Variants in ZNF100 observed in about 807,000 individuals in gnomAD.
The protein encoded by ZNF100 is zinc finger protein 100 (Y1).
ZNF100 carries 12 observed loss-of-function variants against 15.8 expected under a neutral mutation model. That is an observed-to-expected ratio of 0.76 (90% confidence interval 0.49 to 1.23). The LOEUF is 1.23. Ranked by LOEUF, ZNF100 falls within the 50% of genes most tolerant of loss-of-function variation. The pLI, the probability that ZNF100 is intolerant of heterozygous loss-of-function variation, is 0.00. For synonymous variants in ZNF100, 226 were observed against 214.8 expected, an observed-to-expected ratio of 1.05 and a Z score of -0.45; for missense variants, 670 against 635.6, an observed-to-expected ratio of 1.05 and a Z score of -0.58.
chr19:21,765,588 T>C, intron 2 of ZNF100, 106 bp downstream of exon 2: 1 of 957,576 alleles, frequency 1.0e-6, no homozygotes, highest in Non-Finnish European at 1.6e-6. Context: ...GAAATTATTT[T>C]TGTGTTTCCC....
intron 2 of ZNF100, among the ~76,000 whole-genome samples, chr19:21,759,078 G>C (rs1306691990): frequency 1.3e-5 from 2 of 152,132 alleles, no homozygotes; most frequent in African/African-American, 2.4e-5. Context: ...CCTGATTCAA[G>C]GTTTAGTCTC....
Position 21,767,528 on chromosome 19 carries a change from C to T in ZNF100, c.-99G>A, listed in dbSNP as rs997257650. 5.2e-6 allele frequency: 8 copies of T among 1,549,474 alleles called. No individual in the cohort carries two copies. The African/African-American group carries it at 1.1e-4, about 21-fold the overall frequency. On this transcript the variant is annotated 5_prime_UTR_variant, in exon 1 of 5. It adds an upstream start codon to the 5' untranslated region. Coordinates refer to ENST00000358296, the MANE Select transcript of ZNF100 (RefSeq NM_173531.4). ...GCTAGGCCCCTAGGAGCAGAAGACA[C>T]AGAGAAGTGAGAGCAAAACCTGGAG...
At position 21,727,869 on chromosome 19, in the gene ZNF100, C is replaced by G. The variant is rs754077148; in HGVS notation, c.443G>C (p.Gly148Ala). The G allele has an allele frequency of 4.4e-6, 7 of 1,608,810 alleles. No individual in the cohort carries two copies. In the Admixed American group the frequency reaches 1.2e-4, roughly 27 times the overall value. ...TTTACACTCATCCACACTTTTACAG[C>G]CTTTTTGTAACTGTAAATTGTCATG... ...YGHDNLQLQK[G>A]CKSVDECKVH... Residue 148 changes from glycine to alanine, a missense_variant, in exon 5 of 5, where the codon GGC becomes GCC. Gly to Ala is a moderately conservative substitution (Grantham distance 60). Transcript: ENST00000358296.
chr19:21,727,068 G>A lies in ZNF100; in HGVS notation c.1244C>T (p.Ala415Val). 6.2e-7 allele frequency: 1 copy of A among 1,608,794 alleles called. No homozygotes were observed. The highest frequency in any genetic ancestry group is 8.5e-7 in the Non-Finnish European group (1 of 1,178,458). Residue 415 changes from alanine (A) to valine (V), a missense_variant, in exon 5 of 5, where the codon GCC (alanine) becomes GTC (valine). Ala to Val is a moderately conservative substitution (Grantham distance 64). Transcript: ENST00000358296. ...ATGAATTCTCTTATGTTTAGTGAGG[G>A]CTGAGGACCAGTTAAAGCCTTTGCC... is the stretch of plus-strand genomic sequence containing the variant. ...ECGKGFNWSS[A>V]LTKHKRIHTG...
At chr19:21,766,643 A>G (rs2036567690) in intron 1 of ZNF100, among the ~76,000 whole-genome samples, 3 of 152,212 alleles carry the variant, frequency 2.0e-5, no homozygotes. Context: ...CCTCTCCCAT[A>G]GACAACAAAC....
intron 2 of ZNF100, among the ~76,000 whole-genome samples, chr19:21,759,412 A>G (rs1378122676): frequency 6.6e-6 from 1 of 152,218 alleles, no homozygotes; most frequent in Non-Finnish European, 1.5e-5. Context: ...ATGGAAAGAA[A>G]CACTCTTCCA....
Position 21,727,544 on chromosome 19 carries a change from A to G in ZNF100, c.768T>C (p.Thr256=), listed in dbSNP as rs756761742. ...STLTTHRRIH[T]GEKPYKCEEC... ...CTTCACATTTGTAGGGTTTCTCTCC[A>G]GTATGAATTCTCCTGTGTGTAGTAA... Residue 256 remains threonine, a synonymous_variant, in exon 5 of 5, where the codon ACT becomes ACC. Coordinates refer to ENST00000358296, the MANE Select transcript of ZNF100 (RefSeq NM_173531.4). The G allele has an allele frequency of 2.5e-6, 4 of 1,613,942 alleles. No individual in the cohort carries two copies. The highest frequency in any genetic ancestry group is 2.5e-6 in the Non-Finnish European group (3 of 1,179,890).
intron 2 of ZNF100, among the ~76,000 whole-genome samples, chr19:21,748,890 G>C (rs905189145): frequency 6.6e-6 from 1 of 152,156 alleles, no homozygotes; most frequent in Non-Finnish European, 1.5e-5. Flanking sequence ...ATTTTTAGCA[G>C]AGACAGGGTT....
At position 21,726,519 on chromosome 19, in the gene ZNF100, G is replaced by T; in HGVS notation, c.*164C>A. On this transcript the variant is annotated 3_prime_UTR_variant, in exon 5 of 5. Transcript: ENST00000358296. ...TTCAAAGCACTGTCACATCTTTCTG[G>T]TTTGTAGAATTTCTCTCTAGTATGA... is the stretch of plus-strand genomic sequence containing the variant. 1 of 651,624 alleles carries T rather than the reference G, an allele frequency of 1.5e-6. No homozygotes were observed. Among genetic ancestry groups the T allele is most frequent in the Non-Finnish European group, 2.5e-6 (1 of 404,140 alleles). The allele number at this position is 651,624 out of a possible 1,614,324, so 40.4% of individuals were successfully genotyped here.
In ZNF100 at chr19:21,724,066, T is replaced by G. The variant is rs2035728682; in HGVS notation, c.*2617A>C. 4 of 152,156 alleles carry G rather than the reference T, an allele frequency of 2.6e-5. No homozygotes were observed. 9.4% of individuals were successfully genotyped at this position (152,156 alleles called of 1,614,324 possible). A position where few individuals can be genotyped will look rare whatever the true frequency, so the allele number is the denominator to read the frequency against. ...TACTTCATAATCTGTAAAATATTTA[T>G]ATGAAAAAAGATACAAAATAATTAG... On this transcript the variant is annotated 3_prime_UTR_variant, in exon 5 of 5. Transcript: ENST00000358296.
chr19:21,734,726 A>C (rs1332538619), intron 4 of ZNF100, among the ~76,000 whole-genome samples: 1 of 152,150 alleles, frequency 6.6e-6, no homozygotes, highest in Non-Finnish European at 1.5e-5. Flanking sequence ...AAGATACTCC[A>C]TGAGAAGATC....
At chr19:21,735,427 G>T (rs1334202460) in intron 4 of ZNF100, among the ~76,000 whole-genome samples, 5 of 151,198 alleles carry the variant, frequency 3.3e-5, no homozygotes, top group Non-Finnish European at 5.9e-5. Flanking sequence ...CCCGGAGGCG[G>T]AGCTGGAAGT....
At chr19:21,746,465 C>T (rs1225463964) in intron 2 of ZNF100, among the ~76,000 whole-genome samples, 1 of 151,994 alleles carries the variant, frequency 6.6e-6, no homozygotes, top group East Asian at 1.9e-4. Context: ...GATGGAACCT[C>T]AACATTACAT....
At chr19:21,736,095 TTTA>T (rs2036004203) in intron 4 of ZNF100, among the ~76,000 whole-genome samples, 1 of 149,356 alleles carries the variant, frequency 6.7e-6, no homozygotes, top group East Asian at 2.0e-4. Context: ...GCCTTATTGA[TTTA>T]TTTTTTTGAG....
At position 21,745,028 on chromosome 19, in the gene ZNF100, G is replaced by C. The variant is rs745812174; in HGVS notation, c.136C>G (p.Leu46Val). Residue 46 changes from leucine to valine, a missense_variant, in exon 3 of 5, where the codon CTG becomes GTG. Coordinates refer to ENST00000358296, the MANE Select transcript of ZNF100 (RefSeq NM_173531.4). The stretch of plus-strand genomic sequence containing the variant: ...CTGTCCAGGCATTGCCACTCCTCCA[G>C]AGAGAATTCTATGGCCACATCCCTA... ...TFRDVAIEFSLEEWQCLDSAQ... is the reference protein window; with the variant it reads ...TFRDVAIEFSVEEWQCLDSAQ... 3.1e-6 allele frequency: 5 copies of C among 1,613,272 alleles called. No homozygotes were observed. The South Asian group carries it at 5.5e-5, about 18-fold the overall frequency.
chr19:21,744,252 A>C, intron 3 of ZNF100, 137 bp from the exon 4 acceptor site: 2 of 813,516 alleles, frequency 2.5e-6, no homozygotes, highest in Non-Finnish European at 3.4e-6. Context: ...GAAATTTCTA[A>C]ATATTTAGAA....
chr19:21,731,078 A>C (rs1327980734), intron 4 of ZNF100, among the ~76,000 whole-genome samples: 1 of 152,172 alleles, frequency 6.6e-6, no homozygotes, highest in African/African-American at 2.4e-5. Context: ...AAAAAAAAGA[A>C]AATGTTGAAG....
intron 4 of ZNF100, among the ~76,000 whole-genome samples, chr19:21,732,322 A>C (rs2035934379): frequency 6.6e-6 from 1 of 152,222 alleles, no homozygotes; most frequent in Non-Finnish European, 1.5e-5. Context: ...CAGATATTGA[A>C]ATTAGGAGAA....
At chr19:21,746,559 T>C (rs2036215083) in intron 2 of ZNF100, among the ~76,000 whole-genome samples, 1 of 152,210 alleles carries the variant, frequency 6.6e-6, no homozygotes, top group African/African-American at 2.4e-5. Flanking sequence ...AATGGGAACA[T>C]TTTTAATAGT....
Sources: gnomAD v4.1 joint callset for allele counts (sites outside exome capture counted in the v4.1 genomes callset) on GRCh38, gnomAD v4.1.1 for gene constraint, MANE v1.5 for transcripts, NCBI Gene and HGNC (gene_info 2026-07-23, HGNC 2026-07-21) for gene names.